Variants in YLPM1 observed in about 807,000 individuals in gnomAD.
The protein encoded by YLPM1 is YLP motif-containing protein 1.
A neutral mutation model predicts 230.0 loss-of-function variants in YLPM1; 99 were observed. That is an observed-to-expected ratio of 0.43 (90% CI 0.37 to 0.51). The LOEUF (loss-of-function observed/expected upper bound fraction) is 0.51, where lower values mean the gene tolerates loss of function less well. Among genes scored for constraint, YLPM1 ranks in the 20% least tolerant of loss-of-function variants. YLPM1 has a pLI of 0.00. For synonymous variants in YLPM1, 984 were observed against 942.5 expected, an observed-to-expected ratio of 1.04 and a Z score of -0.81; for missense variants, 2,592 against 2,707.7, an observed-to-expected ratio of 0.96 and a Z score of 0.95.
rs185027543 is a variant in YLPM1, at chr14:74,807,610, T to C, written c.4522-1770T>C. Among the ~76,000 whole-genome samples, 3 of 152,352 alleles carry C rather than the reference T, an allele frequency of 2.0e-5. No homozygotes were observed. The East Asian group carries it at 5.8e-4, about 29-fold the overall frequency. On this transcript the variant is annotated intron_variant, in intron 6 of 20. Coordinates refer to ENST00000325680, the MANE Select transcript of YLPM1 (RefSeq NM_019589.3). ...TTGCTAAGAAGTCCTACCATCTCCA[T>C]CATAGACATTTCTGATGGTAACTGG...
chr14:74,778,660 C>A lies in YLPM1; in HGVS notation c.1087C>A (p.Pro363Thr). 1 of 1,575,234 alleles carries A rather than the reference C, an allele frequency of 6.3e-7. No homozygotes were observed. The highest frequency in any genetic ancestry group is 2.4e-5 in the East Asian group (1 of 42,232). Reference protein sequence around the residue: ...LPPPNEEVPPPLPPEEPQSED... With the variant: ...LPPPNEEVPPTLPPEEPQSED... The stretch of plus-strand genomic sequence containing the variant: ...ACCTCCAAATGAGGAAGTGCCACCT[C>A]CTCTCCCACCTGAGGAACCCCAGGT... Residue 363 changes from proline to threonine, a missense_variant, in exon 2 of 21, where the codon CCT becomes ACT. Around this residue, in one of 4 missense-constraint regions of YLPM1, gnomAD observed 1,862 missense variants for 1,819.8 expected, o/e 1.02. Coordinates refer to ENST00000325680, the MANE Select transcript of YLPM1 (RefSeq NM_019589.3).
At chr14:74,810,952 T>G (rs2091428394) in intron 9 of YLPM1, among the ~76,000 whole-genome samples, 1 of 151,832 alleles carries the variant, frequency 6.6e-6, no homozygotes, top group South Asian at 2.1e-4. Flanking sequence ...GTCTCCTGAG[T>G]AGCTGGGGCC....
At chr14:74,768,788 G>T (rs989678701) in intron 1 of YLPM1, among the ~76,000 whole-genome samples, 1 of 152,174 alleles carries the variant, frequency 6.6e-6, no homozygotes, top group East Asian at 1.9e-4. Context: ...TGGGGGAAGG[G>T]AGAAGACATT....
At position 74,816,192 on chromosome 14, in the gene YLPM1, T is replaced by A; in HGVS notation, c.5503-11T>A. 1 of 1,594,362 alleles carries A rather than the reference T, an allele frequency of 6.3e-7. No individual in the cohort carries two copies. The highest frequency in any genetic ancestry group is 8.5e-7 in the Non-Finnish European group (1 of 1,170,538). On this transcript the variant is annotated splice_polypyrimidine_tract_variant and intron_variant, in intron 11 of 20. Transcript: ENST00000325680. ...GTGATTTTTTTTTTTTTTTGGTCTATTCTGTTTCAGATTGTTGTTATAATG... is the reference window on the plus strand; with the variant it reads ...GTGATTTTTTTTTTTTTTTGGTCTAATCTGTTTCAGATTGTTGTTATAATG...
chr14:74,805,110 C>T (rs1479125363), intron 6 of YLPM1, among the ~76,000 whole-genome samples: 1 of 151,386 alleles, frequency 6.6e-6, no homozygotes, highest in Non-Finnish European at 1.5e-5. Flanking sequence ...ACCTCCACCT[C>T]TTGGGTTTAA....
At position 74,775,639 on chromosome 14, in the gene YLPM1, A is replaced by C. The variant is rs895316135; in HGVS notation, c.874-2808A>C. Reference sequence around the variant, plus strand: ...ATAAGCAGATTTTATATTTGATGGAATTGTTATAAATGAAATCATAGCCAA... The same window carrying C: ...ATAAGCAGATTTTATATTTGATGGACTTGTTATAAATGAAATCATAGCCAA... On this transcript the variant is annotated intron_variant, in intron 1 of 20. Transcript: ENST00000325680. Among the ~76,000 whole-genome samples the C allele has an allele frequency of 2.6e-5, 4 of 152,372 alleles. No individual in the cohort carries two copies. In the East Asian group the frequency reaches 7.7e-4, roughly 29 times the overall value.
intron 17 of YLPM1, 135 bp from the exon 18 acceptor site, chr14:74,824,121 C>G (rs878864074): frequency 1.3e-6 from 1 of 756,904 alleles, no homozygotes; most frequent in Admixed American, 3.0e-5. Context: ...GATTGTGTTT[C>G]CCCTAAGGAT....
intron 1 of YLPM1, among the ~76,000 whole-genome samples, chr14:74,770,507 C>A (rs1460247640): frequency 6.6e-6 from 1 of 151,884 alleles, no homozygotes; most frequent in East Asian, 1.9e-4. Flanking sequence ...CGCTTTTAAT[C>A]TCAGCTACTT....
intron 19 of YLPM1, among the ~76,000 whole-genome samples, chr14:74,831,750 T>C (rs1323709016): frequency 6.6e-6 from 1 of 152,214 alleles, no homozygotes; most frequent in Non-Finnish European, 1.5e-5. Context: ...TAGCAAAGAA[T>C]ACAGAATGCT....
Position 74,816,997 on chromosome 14 carries a change from A to G in YLPM1, c.5752A>G (p.Lys1918Glu). 4 of 1,610,382 alleles carry G rather than the reference A, an allele frequency of 2.5e-6. No homozygotes were observed. Among genetic ancestry groups the G allele is most frequent in the Non-Finnish European group, 2.5e-6 (3 of 1,178,750 alleles). Residue 1918 changes from lysine (K) to glutamate (E), a missense_variant, in exon 14 of 21, where the codon AAA (lysine) becomes GAA (glutamate). Lys to Glu is a moderately conservative substitution (Grantham distance 56). Around this residue, in one of 4 missense-constraint regions of YLPM1, gnomAD observed 315 missense variants for 429.3 expected, o/e 0.73. Transcript: ENST00000325680. ...CCGCACCAGCATGTTCAAAACTTTC[A>G]AAAAGACTCTGGATGATGGCTTTTT... The part of the protein sequence containing the change: ...TYRTSMFKTF[K>E]KTLDDGFFPF...
At chr14:74,833,244 TAAA>T (rs2091621180) in intron 19 of YLPM1, among the ~76,000 whole-genome samples, 3 of 152,074 alleles carry the variant, frequency 2.0e-5, no homozygotes, top group African/African-American at 4.8e-5. Flanking sequence ...ATACATGAAT[TAAA>T]TTTAATTAAT....
chr14:74,800,155 G>T (rs2091311264), intron 5 of YLPM1, among the ~76,000 whole-genome samples: 1 of 152,218 alleles, frequency 6.6e-6, no homozygotes, highest in African/African-American at 2.4e-5. Flanking sequence ...GGTTTGCTTA[G>T]GAGCATCCTC....
chr14:74,810,017 G>A lies in YLPM1; in HGVS notation c.5032+15G>A, dbSNP rs777286229. On this transcript the variant is annotated intron_variant, in intron 8 of 20. Transcript: ENST00000325680. ...TTTTGAGACAGGTAGGATTCCCAGA[G>A]AGGTCAGTATTTTTAAACATTTTAG... is the stretch of plus-strand genomic sequence containing the variant. 3.3e-5 allele frequency: 53 copies of A among 1,583,062 alleles called. No individual in the cohort carries two copies. In the South Asian group the frequency reaches 5.9e-4, roughly 18 times the overall value.
In YLPM1 at chr14:74,778,518, A is replaced by T. The variant is rs781281693; in HGVS notation, c.945A>T (p.Gly315=). Reference sequence around the variant, plus strand: ...AGAGGACAAAAGTTCATTTGCCAGGACACAAAAAGGGTCCTGTGGTAGCAA... The same window carrying T: ...AGAGGACAAAAGTTCATTTGCCAGGTCACAAAAAGGGTCCTGTGGTAGCAA... ...LQQRTKVHLP[G]HKKGPVVAKD... The change falls in exon 2 of 21, where the codon GGA becomes GGT. Residue 315 remains glycine (G), a synonymous_variant. Coordinates refer to ENST00000325680, the MANE Select transcript of YLPM1 (RefSeq NM_019589.3). 2.0e-5 allele frequency: 32 copies of T among 1,608,312 alleles called. No individual in the cohort carries two copies. The South Asian group carries it at 3.5e-4, about 17-fold the overall frequency.
At chr14:74,819,319 G>C (rs1425421556) in intron 16 of YLPM1, among the ~76,000 whole-genome samples, 1 of 140,246 alleles carries the variant, frequency 7.1e-6, no homozygotes, top group Non-Finnish European at 1.5e-5. Flanking sequence ...CTGTCACCTA[G>C]ATTGTAGTGC....
chr14:74,809,677 G>A lies in YLPM1; in HGVS notation c.4819G>A (p.Val1607Ile), dbSNP rs1189501737. The A allele has an allele frequency of 1.2e-6, 2 of 1,613,890 alleles. No homozygotes were observed. Among genetic ancestry groups the A allele is most frequent in the African/African-American group, 2.7e-5 (2 of 74,924 alleles). ...AACTGCAGCAATTCCATCTGCTCCA[G>A]TATTACCACCCCCACCTGTTCACTC... ...SETAAIPSAP[V>I]LPPPPVHSSI... Residue 1607 changes from valine (V) to isoleucine (I), a missense_variant, in exon 7 of 21, where the codon GTA becomes ATA. Val to Ile is a conservative substitution (Grantham distance 29, BLOSUM62 3). Around this residue, in one of 4 missense-constraint regions of YLPM1, gnomAD observed 403 missense variants for 426.7 expected, o/e 0.94. Coordinates refer to ENST00000325680, the MANE Select transcript of YLPM1 (RefSeq NM_019589.3).
chr14:74,802,576 A>G lies in YLPM1; in HGVS notation c.4421A>G (p.Gln1474Arg), dbSNP rs367730689. ...KMLREQKEQL[Q>R]KMKDFGSEPQ... is the part of the protein sequence containing the mutation. ...TGCAGGGAACAGAAAGAACAGCTTC[A>G]AAAGATGAAAGACTTCGGGTCTGAG... The change falls in exon 6 of 21, where the codon CAA (glutamine) becomes CGA (arginine). Residue 1474 changes from glutamine (Q) to arginine (R), a missense_variant. Gln to Arg is a conservative substitution (Grantham distance 43). This residue lies in a region of YLPM1 where 403 missense variants were observed against 426.7 expected (regional missense o/e 0.94). Coordinates refer to ENST00000325680, the MANE Select transcript of YLPM1 (RefSeq NM_019589.3). 3.1e-6 allele frequency: 5 copies of G among 1,612,558 alleles called. No homozygotes were observed. In the African/African-American group the frequency reaches 6.7e-5, roughly 22 times the overall value.
At chr14:74,797,551 T>C (rs2091276956) in intron 4 of YLPM1, 29 bp from the exon 5 acceptor site, 9 of 1,436,968 alleles carry the variant, frequency 6.3e-6, no homozygotes, top group African/African-American at 1.4e-5. Context: ...CTTTACTGTC[T>C]TGAGTAATAT....
At chr14:74,793,447 C>A (rs1350054179) in intron 4 of YLPM1, among the ~76,000 whole-genome samples, 1 of 151,848 alleles carries the variant, frequency 6.6e-6, no homozygotes, top group Non-Finnish European at 1.5e-5. Flanking sequence ...GTTCTTCTGG[C>A]GTTGATCTTT....
Sources: gnomAD v4.1 joint callset for allele counts (sites outside exome capture counted in the v4.1 genomes callset) on GRCh38, gnomAD v4.1.1 for gene constraint, gnomAD v4.1.1 regional missense constraint, MANE v1.5 for transcripts, NCBI Gene and HGNC (gene_info 2026-07-23, HGNC 2026-07-21) for gene names.